Variants in GPHN observed in about 807,000 individuals in gnomAD.
GPHN encodes the protein gephyrin.
GPHN carries 17 observed loss-of-function variants against 95.5 expected under a neutral mutation model. That is an observed-to-expected ratio of 0.18 (90% CI 0.12 to 0.27). The LOEUF is 0.27. GPHN is among the 10% of genes least tolerant of loss of function. The pLI is 1.00. For missense variants in GPHN, 660 were observed against 978.1 expected (o/e 0.67, Z 4.34); for synonymous variants, 320 against 322.5 (o/e 0.99, Z 0.08).
chr14:67,439,893 C>T, the GPHN span, among the ~76,000 whole-genome samples: 1 of 152,124 alleles, frequency 6.6e-6, no homozygotes, highest in Admixed American at 6.5e-5. Flanking sequence ...GGCTGGGGTG[C>T]AGTGGCGTGA....
chr14:66,906,606 T>C (rs1055436443), intron 5 of GPHN, among the ~76,000 whole-genome samples: 2 of 152,194 alleles, frequency 1.3e-5, no homozygotes, highest in Non-Finnish European at 2.9e-5. Context: ...GGGATATTTC[T>C]AGTGATATTC....
intron 4 of GPHN, among the ~76,000 whole-genome samples, chr14:66,855,402 T>TC (rs1305949431): frequency 6.6e-6 from 1 of 152,186 alleles, no homozygotes; most frequent in Non-Finnish European, 1.5e-5. Context: ...TGTGCATGGC[T>TC]TTTTTCATTT....
At chr14:66,632,489 CTT>C (rs60856342) in intron 1 of GPHN, among the ~76,000 whole-genome samples, 109 of 122,028 alleles carry the variant, frequency 8.9e-4, no homozygotes, top group African/African-American at 2.5e-3. Flanking sequence ...ACAATACATT[CTT>C]TTTTTTTTTT....
At chr14:66,771,321 T>A (rs2059162035) in intron 2 of GPHN, among the ~76,000 whole-genome samples, 1 of 152,212 alleles carries the variant, frequency 6.6e-6, no homozygotes, top group Non-Finnish European at 1.5e-5. Flanking sequence ...GAATACTCTA[T>A]TAAATATACC....
chr14:67,503,766 C>T, the GPHN span, among the ~76,000 whole-genome samples: 10 of 152,022 alleles, frequency 6.6e-5, no homozygotes, highest in Admixed American at 3.3e-4. Context: ...TACAGTCGTG[C>T]GATCTCAGCT....
At chr14:66,537,645 A>G (rs2059191145) in intron 1 of GPHN, among the ~76,000 whole-genome samples, 2 of 152,142 alleles carry the variant, frequency 1.3e-5, no homozygotes, top group African/African-American at 4.8e-5. Flanking sequence ...TCTAATGCTC[A>G]TAATTCATTT....
the GPHN span, chr14:67,204,901 G>A: frequency 7.6e-5 from 123 of 1,613,728 alleles, no homozygotes; most frequent in Admixed American, 1.8e-4. Context: ...AGACATCACC[G>A]ACATCACAGA....
chr14:66,974,102 T>C (rs1475956276), intron 9 of GPHN, among the ~76,000 whole-genome samples: 1 of 152,196 alleles, frequency 6.6e-6, no homozygotes, highest in Non-Finnish European at 1.5e-5. Flanking sequence ...ATAACATGTT[T>C]GTTTGGGGAT....
At chr14:67,106,020 A>G (rs1449296040) in intron 13 of GPHN, among the ~76,000 whole-genome samples, 1 of 151,802 alleles carries the variant, frequency 6.6e-6, no homozygotes, top group African/African-American at 2.4e-5. Context: ...TGTTTTTATG[A>G]TAGTGATTAT....
At chr14:67,557,200 C>T in the GPHN span, 1 of 1,366,442 alleles carries the variant, frequency 7.3e-7, no homozygotes, top group Admixed American at 1.9e-5. Flanking sequence ...TGTCCCATCC[C>T]ACGTTACTGG....
chr14:66,530,953 A>ATTTTTT (rs569763873), intron 1 of GPHN, among the ~76,000 whole-genome samples: 4 of 121,156 alleles, frequency 3.3e-5, no homozygotes, highest in African/African-American at 9.8e-5. Flanking sequence ...TGTTTGTTAG[A>ATTTTTT]TTTTTTTTTT....
intron 3 of GPHN, among the ~76,000 whole-genome samples, chr14:66,810,166 A>C (rs976787209): frequency 6.6e-6 from 1 of 151,848 alleles, no homozygotes; most frequent in Non-Finnish European, 1.5e-5. Context: ...AATTTCCTCC[A>C]CTATTCTTTA....
At chr14:66,792,799 A>G (rs2060018667) in intron 3 of GPHN, among the ~76,000 whole-genome samples, 1 of 152,242 alleles carries the variant, frequency 6.6e-6, no homozygotes, top group African/African-American at 2.4e-5. Flanking sequence ...CAGCCTTCAG[A>G]GCTGAGAGCC....
the GPHN span, among the ~76,000 whole-genome samples, chr14:67,326,550 G>A: frequency 2.0e-5 from 3 of 152,200 alleles, no homozygotes; most frequent in South Asian, 6.2e-4. Context: ...ATGTGTACCT[G>A]TGTAACCACC....
chr14:67,533,587 C>T, the GPHN span: 18 of 152,106 alleles, frequency 1.2e-4, no homozygotes, highest in Admixed American at 9.2e-4. Context: ...AGCCGGGCGC[C>T]CCAGGGGACT....
chr14:66,837,925 C>T (rs1020231909), intron 4 of GPHN, among the ~76,000 whole-genome samples: 1 of 151,998 alleles, frequency 6.6e-6, no homozygotes, highest in African/African-American at 2.4e-5. Context: ...AACATACAAG[C>T]AAGTGTAGAT....
the GPHN span, among the ~76,000 whole-genome samples, chr14:67,187,005 A>G: frequency 4.0e-3 from 612 of 152,310 alleles, no homozygotes; most frequent in Non-Finnish European, 6.8e-3. Context: ...AACGGCTTAA[A>G]GAATGCAACG....
the GPHN span, among the ~76,000 whole-genome samples, chr14:67,244,733 G>A: frequency 6.6e-6 from 1 of 152,088 alleles, no homozygotes; most frequent in African/African-American, 2.4e-5. Flanking sequence ...GGTAGGTATA[G>A]CCTAATTTTA....
chr14:66,974,131 G>A (rs570160074), intron 9 of GPHN, among the ~76,000 whole-genome samples: 106 of 152,206 alleles, frequency 7.0e-4, no homozygotes, highest in Non-Finnish European at 1.3e-3. Context: ...ATTTGTTAGC[G>A]AAGCAGAATT....
Sources: gnomAD v4.1 joint callset for allele counts (sites outside exome capture counted in the v4.1 genomes callset) on GRCh38, gnomAD v4.1.1 for gene constraint, MANE v1.5 for transcripts, NCBI Gene and HGNC (gene_info 2026-07-23, HGNC 2026-07-21) for gene names.